TYW1: variants seen among roughly 807,000 people sequenced by gnomAD.
TYW1 encodes S-adenosyl-L-methionine-dependent tRNA 4-demethylwyosine synthase TYW1.
In TYW1, 46 loss-of-function variants were observed where a neutral mutation model predicts 96.2. The observed-to-expected ratio is 0.48, with a 90% confidence interval of 0.38 to 0.61. The LOEUF (loss-of-function observed/expected upper bound fraction) is 0.61, where lower values mean the gene tolerates loss of function less well. Ranked by LOEUF, TYW1 falls within the 20% of genes least tolerant of loss-of-function variation. The pLI is 0.00. For missense variants in TYW1, 684 were observed against 909.6 expected (o/e 0.75, Z 3.19); for synonymous variants, 274 against 323.0 (o/e 0.85, Z 1.63).
At chr7:67,076,264 CCTT>C (rs760916978) in intron 10 of TYW1, among the ~76,000 whole-genome samples, 29 of 152,174 alleles carry the variant, frequency 1.9e-4, no homozygotes, top group Non-Finnish European at 1.5e-4. Flanking sequence ...GTCCCTGTCT[CCTT>C]TGTTCAGTGT....
At chr7:67,049,529 AT>A (rs1056834539) in intron 7 of TYW1, among the ~76,000 whole-genome samples, 1 of 151,510 alleles carries the variant, frequency 6.6e-6, no homozygotes, top group Non-Finnish European at 1.5e-5. Context: ...CTTTTTAAAA[AT>A]TTTTTTTTAA....
intron 14 of TYW1, among the ~76,000 whole-genome samples, chr7:67,185,851 C>T (rs1291377752): frequency 6.7e-6 from 1 of 149,634 alleles, no homozygotes; most frequent in Non-Finnish European, 1.5e-5. Flanking sequence ...TGCTCATTTC[C>T]GTTTATGGCT....
At chr7:67,204,904 G>A (rs1800731787) in intron 15 of TYW1, among the ~76,000 whole-genome samples, 1 of 152,060 alleles carries the variant, frequency 6.6e-6, no homozygotes, top group Non-Finnish European at 1.5e-5. Context: ...TATTTATCAT[G>A]TCCGTTTTTA....
intron 12 of TYW1, among the ~76,000 whole-genome samples, chr7:67,109,210 C>A (rs1584571490): frequency 7.2e-6 from 1 of 139,256 alleles, no homozygotes; most frequent in Admixed American, 7.8e-5. Context: ...GGAGGCAGAG[C>A]TTGCAGTGAG....
chr7:67,072,963 T>TATTTTTTTG (rs1554358232), intron 10 of TYW1, among the ~76,000 whole-genome samples: 1 of 118,592 alleles, frequency 8.4e-6, no homozygotes, highest in African/African-American at 3.5e-5. Context: ...TTTTTTTTTT[T>TATTTTTTTG]TATAGAGACA....
At chr7:67,234,660 G>GA (rs1801831215) in intron 15 of TYW1, among the ~76,000 whole-genome samples, 1 of 152,104 alleles carries the variant, frequency 6.6e-6, no homozygotes, top group South Asian at 2.1e-4. Context: ...TAGACTTTGG[G>GA]AATCAGAGCA....
intron 11 of TYW1, among the ~76,000 whole-genome samples, chr7:67,092,636 C>G (rs1796759743): frequency 6.6e-6 from 1 of 151,436 alleles, no homozygotes; most frequent in Non-Finnish European, 1.5e-5. Context: ...TCTTCATTGC[C>G]CTGCTCTTTC....
chr7:67,221,086 G>A, intron 15 of TYW1, among the ~76,000 whole-genome samples: 1 of 152,156 alleles, frequency 6.6e-6, no homozygotes, highest in East Asian at 1.9e-4. Flanking sequence ...TGAGAATGAG[G>A]TATTGAAGTC....
intron 15 of TYW1, among the ~76,000 whole-genome samples, chr7:67,225,503 A>C (rs981427084): frequency 6.6e-6 from 1 of 152,146 alleles, no homozygotes; most frequent in Non-Finnish European, 1.5e-5. Flanking sequence ...TAGTCTGTGA[A>C]GGGAGGGGAA....
At chr7:67,033,698 C>CTTTTTTT (rs576428706) in intron 7 of TYW1, among the ~76,000 whole-genome samples, 1 of 141,448 alleles carries the variant, frequency 7.1e-6, no homozygotes, top group Non-Finnish European at 1.5e-5. Context: ...CTGGGGGACC[C>CTTTTTTT]TTTTTTTTTT....
At chr7:67,191,668 G>C (rs1365870243) in intron 14 of TYW1, among the ~76,000 whole-genome samples, 12 of 149,920 alleles carry the variant, frequency 8.0e-5, no homozygotes, top group African/African-American at 3.0e-4. Context: ...CAGTAGACTA[G>C]AGGGTAGGAT....
intron 15 of TYW1, among the ~76,000 whole-genome samples, chr7:67,205,227 C>T (rs1178174083): frequency 1.8e-4 from 28 of 152,220 alleles, no homozygotes; most frequent in Non-Finnish European, 3.4e-4. Flanking sequence ...CCCCCCTCAG[C>T]TTCTATTGAC....
chr7:67,061,372 G>A (rs977403955), intron 9 of TYW1, among the ~76,000 whole-genome samples: 5 of 152,194 alleles, frequency 3.3e-5, no homozygotes, highest in African/African-American at 1.2e-4. Flanking sequence ...AATGCACGGG[G>A]CTACAAACTG....
intron 13 of TYW1, among the ~76,000 whole-genome samples, chr7:67,155,484 T>C (rs144038897): frequency 6.6e-6 from 1 of 152,162 alleles, no homozygotes; most frequent in Non-Finnish European, 1.5e-5. Flanking sequence ...CACAGCACCA[T>C]GCTTCCTGTA....
chr7:67,182,311 C>T (rs187995140), intron 13 of TYW1, among the ~76,000 whole-genome samples: 1 of 152,038 alleles, frequency 6.6e-6, no homozygotes, highest in Non-Finnish European at 1.5e-5. Flanking sequence ...GCCTATAATC[C>T]CAGCCCTTCG....
Position 67,098,752 on chromosome 7 carries a change from G to T in TYW1, c.1562+34G>T, listed in dbSNP as rs371908532. The T allele has an allele frequency of 6.4e-5, 99 of 1,541,342 alleles. No homozygotes were observed. The African/African-American group carries it at 1.2e-3, about 19-fold the overall frequency. On this transcript the variant is annotated intron_variant, in intron 12 of 15. Coordinates refer to ENST00000359626, the MANE Select transcript of TYW1 (RefSeq NM_018264.4). ...TCCAGCCTATGGAGAGATGCTGCTTGAATCTATGTTTCACTGCAAAGTAAA... is the reference window on the plus strand; with the variant it reads ...TCCAGCCTATGGAGAGATGCTGCTTTAATCTATGTTTCACTGCAAAGTAAA...
At chr7:67,072,438 A>G (rs1796058115) in intron 10 of TYW1, among the ~76,000 whole-genome samples, 1 of 151,962 alleles carries the variant, frequency 6.6e-6, no homozygotes, top group African/African-American at 2.4e-5. Context: ...TACCAGAGAC[A>G]GGGTTTCACC....
At chr7:67,189,274 CGTGTGAGT>C (rs1800125498) in intron 14 of TYW1, among the ~76,000 whole-genome samples, 2 of 151,922 alleles carry the variant, frequency 1.3e-5, no homozygotes, top group South Asian at 4.2e-4. Flanking sequence ...TTCTCCCTGA[CGTGTGAGT>C]GTGTGGTGTG....
chr7:67,038,110 G>C (rs1448388366), intron 7 of TYW1, among the ~76,000 whole-genome samples: 1 of 151,600 alleles, frequency 6.6e-6, no homozygotes, highest in African/African-American at 2.4e-5. Context: ...AGACCAGCCT[G>C]GCTAACATGG....
Sources: allele counts gnomAD v4.1 joint callset (sites outside exome capture counted in the v4.1 genomes callset), GRCh38; gene constraint gnomAD v4.1.1; transcripts MANE v1.5; gene names NCBI Gene and HGNC (gene_info 2026-07-23, HGNC 2026-07-21).